Variants in NRXN3 observed in about 807,000 individuals in gnomAD.
NRXN3 encodes the protein neurexin III.
NRXN3 carries 32 observed loss-of-function variants against 137.6 expected under a neutral mutation model. The ratio of observed to expected loss-of-function variants is 0.23; its 90% CI spans 0.18 to 0.31. NRXN3 has a LOEUF of 0.31. Ranked by LOEUF, NRXN3 falls within the 10% of genes least tolerant of loss-of-function variation. The pLI, the probability that NRXN3 is intolerant of heterozygous loss-of-function variation, is 1.00. For missense variants in NRXN3, 1,574 were observed against 2,062.5 expected (o/e 0.76, Z 4.59); for synonymous variants, 798 against 784.5 (o/e 1.02, Z -0.29).
intron 16 of NRXN3, among the ~76,000 whole-genome samples, chr14:79,570,254 A>G (rs1238214152): frequency 2.0e-5 from 3 of 152,156 alleles, no homozygotes; most frequent in Non-Finnish European, 2.9e-5. Flanking sequence ...TCCCTGAAGC[A>G]ATTCCTGCCA....
At chr14:78,229,763 C>T (rs1161749497) in intron 1 of NRXN3, among the ~76,000 whole-genome samples, 3 of 152,190 alleles carry the variant, frequency 2.0e-5, no homozygotes, top group African/African-American at 7.2e-5. Context: ...TGCCCTCTTG[C>T]TGTGTCTTTT....
intron 20 of NRXN3, among the ~76,000 whole-genome samples, chr14:79,821,511 A>G (rs1473779822): frequency 2.0e-5 from 3 of 152,158 alleles, no homozygotes; most frequent in Admixed American, 6.6e-5. Context: ...TGAGACACAC[A>G]GTGTTTTTTA....
intron 4 of NRXN3, among the ~76,000 whole-genome samples, chr14:78,492,281 T>C (rs1010869950): frequency 4.6e-5 from 7 of 152,170 alleles, no homozygotes; most frequent in African/African-American, 1.7e-4. Context: ...TTTGGATTTT[T>C]TTATATTGAG....
intron 20 of NRXN3, among the ~76,000 whole-genome samples, chr14:79,834,928 C>A (rs1256296548): frequency 6.6e-6 from 1 of 152,114 alleles, no homozygotes; most frequent in Non-Finnish European, 1.5e-5. Flanking sequence ...ACTGAAACTT[C>A]ACTCAACACA....
At chr14:78,690,503 A>G (rs1015652662) in intron 6 of NRXN3, among the ~76,000 whole-genome samples, 3 of 152,168 alleles carry the variant, frequency 2.0e-5, no homozygotes, top group Non-Finnish European at 2.9e-5. Flanking sequence ...ACTTCTACTA[A>G]ATTGTAAGCT....
chr14:78,888,868 C>CACACACACACACACACACACACACAG (rs1261195796), intron 10 of NRXN3, among the ~76,000 whole-genome samples: 1 of 151,756 alleles, frequency 6.6e-6, no homozygotes, highest in South Asian at 2.1e-4. Flanking sequence ...CACACACACA[C>CACACACACACACACACACACACACAG]ACACCCCAGA....
intron 15 of NRXN3, among the ~76,000 whole-genome samples, chr14:79,347,564 G>A (rs2092957684): frequency 6.6e-6 from 1 of 151,942 alleles, no homozygotes; most frequent in Admixed American, 6.6e-5. Context: ...TGGGACTATA[G>A]GCACGTGCCA....
chr14:78,546,691 A>G (rs1337792162), intron 4 of NRXN3, among the ~76,000 whole-genome samples: 2 of 152,140 alleles, frequency 1.3e-5, no homozygotes, highest in African/African-American at 2.4e-5. Flanking sequence ...GTCCATGTTT[A>G]CTTTGTTCCT....
At chr14:79,241,534 C>A (rs376523809) in intron 15 of NRXN3, among the ~76,000 whole-genome samples, 1 of 152,072 alleles carries the variant, frequency 6.6e-6, no homozygotes, top group Admixed American at 6.6e-5. Context: ...TTCACTACCA[C>A]GAGAACAGTA....
intron 4 of NRXN3, among the ~76,000 whole-genome samples, chr14:78,636,272 C>T (rs1331085390): frequency 1.3e-5 from 2 of 152,078 alleles, no homozygotes; most frequent in Admixed American, 6.5e-5. Flanking sequence ...CTCAGCTACT[C>T]AGCAACAGTT....
chr14:78,407,637 T>C (rs1281112438), intron 4 of NRXN3, among the ~76,000 whole-genome samples: 1 of 152,188 alleles, frequency 6.6e-6, no homozygotes. Flanking sequence ...AGCTTTCCTC[T>C]ATCCAGGCTC....
intron 8 of NRXN3, among the ~76,000 whole-genome samples, chr14:78,729,292 A>G (rs1283441512): frequency 1.3e-5 from 2 of 152,184 alleles, no homozygotes; most frequent in Non-Finnish European, 2.9e-5. Context: ...CAGATTTTCT[A>G]TTATTCTTTG....
intron 16 of NRXN3, among the ~76,000 whole-genome samples, chr14:79,493,281 CA>C (rs1184903740): frequency 1.3e-5 from 2 of 152,166 alleles, no homozygotes; most frequent in Non-Finnish European, 1.5e-5. Flanking sequence ...TCCCCCTCCA[CA>C]AAAGGTAATT....
chr14:78,949,558 G>A (rs575537361), intron 10 of NRXN3, among the ~76,000 whole-genome samples: 19 of 151,836 alleles, frequency 1.3e-4, no homozygotes, highest in Admixed American at 3.3e-4. Context: ...GATTACAAAG[G>A]TAGAATATTC....
chr14:78,845,043 T>TA (rs2099022709), intron 10 of NRXN3, among the ~76,000 whole-genome samples: 2 of 151,774 alleles, frequency 1.3e-5, no homozygotes, highest in Admixed American at 6.6e-5. Flanking sequence ...ACCAGTGATG[T>TA]CTGTGATGTC....
At chr14:79,114,055 A>G (rs2053984658) in intron 15 of NRXN3, among the ~76,000 whole-genome samples, 1 of 152,200 alleles carries the variant, frequency 6.6e-6, no homozygotes, top group African/African-American at 2.4e-5. Flanking sequence ...ATTTGTAGTC[A>G]CATTTTCTGG....
At chr14:79,701,123 CA>C (rs1318409969) in intron 19 of NRXN3, among the ~76,000 whole-genome samples, 1 of 151,884 alleles carries the variant, frequency 6.6e-6, no homozygotes, top group Non-Finnish European at 1.5e-5. Context: ...GTGCTTTGGC[CA>C]AATTTGTTGT....
intron 4 of NRXN3, among the ~76,000 whole-genome samples, chr14:78,318,335 T>C (rs2078945706): frequency 6.6e-6 from 1 of 152,190 alleles, no homozygotes; most frequent in South Asian, 2.1e-4. Context: ...CCCAACTTTC[T>C]TAAGTGGAAA....
chr14:79,755,533 T>G, intron 19 of NRXN3, among the ~76,000 whole-genome samples: 1 of 123,348 alleles, frequency 8.1e-6, no homozygotes, highest in African/African-American at 4.3e-5. Context: ...ATACCGAAGA[T>G]TTTTTTTTTT....
Sources: allele counts gnomAD v4.1 joint callset (sites outside exome capture counted in the v4.1 genomes callset), GRCh38; gene constraint gnomAD v4.1.1; transcripts MANE v1.5; gene names NCBI Gene and HGNC (gene_info 2026-07-23, HGNC 2026-07-21).